Variants in AHNAK observed in about 807,000 individuals in gnomAD.
AHNAK encodes the protein AHNAK nucleoprotein.
Under a neutral mutation model 37.8 loss-of-function variants are expected in AHNAK, and 23 were observed. That is an observed-to-expected ratio of 0.61 (90% CI 0.44 to 0.86). The LOEUF is 0.86. Among genes scored for constraint, AHNAK ranks in the 40% least tolerant of loss-of-function variants. The pLI is 0.00. For synonymous variants in AHNAK, 2,481 were observed against 2,636.3 expected (o/e 0.94, Z 1.80); for missense variants, 7,411 against 7,319.4 (o/e 1.01, Z -0.46).
chr11:62,525,962 T>C lies in AHNAK; in HGVS notation c.8455A>G (p.Lys2819Glu). 6.2e-7 allele frequency: 1 copy of C among 1,614,112 alleles called. No individual in the cohort carries two copies. The highest frequency in any genetic ancestry group is 2.2e-5 in the East Asian group (1 of 44,888). Residue 2819 changes from lysine (K) to glutamate (E), a missense_variant, in exon 5 of 5, where the codon AAA becomes GAA. Physicochemically the swap from Lys to Glu is moderately conservative, Grantham distance 56. Transcript: ENST00000378024. ...VNIEGPEGKW[K>E]SPKFKMPEMH... ...TCTGGCATCTTAAACTTTGGACTTT[T>C]CCACTTTCCTTCAGGTCCTTCGATA...
intron 4 of AHNAK, among the ~76,000 whole-genome samples, chr11:62,499,455 G>A (rs913038497): frequency 6.6e-5 from 10 of 152,166 alleles, no homozygotes; most frequent in African/African-American, 9.7e-5. Context: ...GGAGACTGAG[G>A]CAAGAGAATC....
rs115627503 is a variant in AHNAK at position 62,530,596 on chromosome 11, A to G, written c.3821T>C (p.Val1274Ala). 0.014 allele frequency: 21,942 copies of G among 1,610,478 alleles called. 188 individuals carry two copies. The highest frequency in any genetic ancestry group is 0.019 in the Middle Eastern group (112 of 6,036). ...MPGFKGEGRE[V>A]DVNLPKADID... Reference sequence around the variant, plus strand: ...GTCAGCCTTGGGCAGGTTCACATCCACTTCTCGGCCCTCTCCTTTGAAGCC... The same window carrying G: ...GTCAGCCTTGGGCAGGTTCACATCCGCTTCTCGGCCCTCTCCTTTGAAGCC... Residue 1274 changes from valine (V) to alanine (A), a missense_variant, in exon 5 of 5, where the codon GTG becomes GCG. Val to Ala is a moderately conservative substitution (Grantham distance 64, BLOSUM62 0). Coordinates refer to ENST00000378024, the MANE Select transcript of AHNAK (RefSeq NM_001620.3).
chr11:62,467,002 G>C (rs558848840), intron 5 of AHNAK, among the ~76,000 whole-genome samples: 96 of 152,218 alleles, frequency 6.3e-4, no homozygotes, highest in African/African-American at 2.1e-3. Context: ...GTTATGCAAA[G>C]CCTAGATCAT....
chr11:62,480,753 A>G (rs1453447208), intron 5 of AHNAK, among the ~76,000 whole-genome samples: 2 of 144,720 alleles, frequency 1.4e-5, no homozygotes, highest in African/African-American at 5.2e-5. Flanking sequence ...GTCCCCAAAC[A>G]GGGCCTTCCT....
At chr11:62,460,590 A>G (rs1344437658) in intron 5 of AHNAK, among the ~76,000 whole-genome samples, 1 of 152,216 alleles carries the variant, frequency 6.6e-6, no homozygotes, top group Non-Finnish European at 1.5e-5. Flanking sequence ...ATTTTGTGAT[A>G]TCTTTACAAA....
rs138495745 is a variant in AHNAK, at chr11:62,520,684, C to T, written c.13733G>A (p.Gly4578Asp). The change falls in exon 5 of 5, where the codon GGC (glycine) becomes GAC (aspartate). Residue 4578 changes from glycine to aspartate, a missense_variant. Physicochemically the swap from Gly to Asp is moderately conservative, Grantham distance 94. Transcript: ENST00000378024. ...DIHGPEGKLK[G>D]PKFKMPDLHL... is the part of the protein sequence containing the mutation. The stretch of plus-strand genomic sequence containing the variant: ...TAAGTCAGGCATTTTAAATTTGGGG[C>T]CCTTCAGTTTCCCTTCTGGACCATG... The T allele has an allele frequency of 1.1e-4, 173 of 1,613,988 alleles. No individual in the cohort carries two copies. Among genetic ancestry groups the T allele is most frequent in the Non-Finnish European group, 1.3e-4 (159 of 1,180,050 alleles).
chr11:62,529,958 T>C lies in AHNAK; in HGVS notation c.4459A>G (p.Ile1487Val). 6 of 1,613,402 alleles carry C rather than the reference T, an allele frequency of 3.7e-6. No individual in the cohort carries two copies. Among genetic ancestry groups the C allele is most frequent in the Non-Finnish European group, 4.2e-6 (5 of 1,179,862 alleles). The change falls in exon 5 of 5, where the codon ATC becomes GTC. Residue 1487 changes from isoleucine to valine, a missense_variant. Ile to Val is a conservative substitution (Grantham distance 29). Transcript: ENST00000378024. ...EGEIKAPDVDIKGPKVDINAP... is the reference protein window; with the variant it reads ...EGEIKAPDVDVKGPKVDINAP... The stretch of plus-strand genomic sequence containing the variant: ...TTAATATCAACTTTGGGGCCTTTGA[T>C]GTCAACATCAGGAGCTTTTATCTCT...
At position 62,519,535 on chromosome 11, in the gene AHNAK, G is replaced by A. The variant is rs775183907; in HGVS notation, c.14882C>T (p.Pro4961Leu). ...APSLDVHMDS[P>L]DINIEGPDVK... ...ATCTGGCCCTTCGATGTTAATATCT[G>A]GGCTGTCCATGTGTACATCTAAGCT... Residue 4961 changes from proline to leucine, a missense_variant, in exon 5 of 5, where the codon CCA becomes CTA. Coordinates refer to ENST00000378024, the MANE Select transcript of AHNAK (RefSeq NM_001620.3). The A allele has an allele frequency of 1.2e-6, 2 of 1,612,830 alleles. No homozygotes were observed. Among genetic ancestry groups the A allele is most frequent in the Non-Finnish European group, 1.7e-6 (2 of 1,179,512 alleles).
chr11:62,535,264 G>GA, intron 3 of AHNAK, 74 bp from the exon 4 acceptor site: 1 of 1,372,864 alleles, frequency 7.3e-7, no homozygotes, highest in Non-Finnish European at 1.0e-6. Context: ...ACCACACACT[G>GA]GGCACTGAAC....
At chr11:62,510,679 G>T (rs1179489680) in intron 4 of AHNAK, among the ~76,000 whole-genome samples, 1 of 152,046 alleles carries the variant, frequency 6.6e-6, no homozygotes, top group East Asian at 1.9e-4. Flanking sequence ...AGGAGGTGGA[G>T]GTTGTGGTGA....
rs761736875 is a variant in AHNAK at position 62,519,752 on chromosome 11, G to A, written c.14665C>T (p.Arg4889Cys). ...KGPEVDLKGPRLDFEGPDAKL... is the reference protein window; with the variant it reads ...KGPEVDLKGPCLDFEGPDAKL... ...GCATCAGGGCCTTCGAAATCCAGAC[G>A]TGGACCTTTAAGATCTACTTCTGGG... is the stretch of plus-strand genomic sequence containing the variant. Residue 4889 changes from arginine to cysteine, a missense_variant, in exon 5 of 5, where the codon CGT (arginine) becomes TGT (cysteine). Physicochemically the swap from Arg to Cys is radical, Grantham distance 180 (BLOSUM62 -3). Transcript: ENST00000378024. 6.1e-5 allele frequency: 99 copies of A among 1,613,256 alleles called. 1 individual carries two copies. Among genetic ancestry groups the A allele is most frequent in the South Asian group, 2.9e-4 (26 of 90,984 alleles).
At chr11:62,486,582 G>A (rs951943316) in intron 5 of AHNAK, among the ~76,000 whole-genome samples, 18 of 152,078 alleles carry the variant, frequency 1.2e-4, no homozygotes, top group African/African-American at 4.3e-4. Context: ...TGGTTGCCGG[G>A]GGCTGGAGAA....
chr11:62,526,658 G>A lies in AHNAK; in HGVS notation c.7759C>T (p.His2587Tyr). ...CCCTTCACCTTGGGACCTTTCAGAT[G>A]CAAATCAAAGTCAGGCATGGAGATC... Reference protein sequence around the residue: ...PKISMPDFDLHLKGPKVKGDV... With the variant: ...PKISMPDFDLYLKGPKVKGDV... The change falls in exon 5 of 5, where the codon CAT becomes TAT. Residue 2587 changes from histidine to tyrosine, a missense_variant. Physicochemically the swap from His to Tyr is moderately conservative, Grantham distance 83. Coordinates refer to ENST00000378024, the MANE Select transcript of AHNAK (RefSeq NM_001620.3). The A allele has an allele frequency of 6.2e-7, 1 of 1,608,216 alleles. No individual in the cohort carries two copies.
In AHNAK at chr11:62,533,435, C is replaced by T. The variant is rs754950713; in HGVS notation, c.982G>A (p.Gly328Arg). The T allele has an allele frequency of 8.1e-6, 13 of 1,613,166 alleles. No homozygotes were observed. In the African/African-American group the frequency reaches 1.7e-4, roughly 22 times the overall value. ...ACTTCAGGTGCAGAAACCCTCAGCCCTGCCTTTGGTGTCTGGCCCTCACGC... is the reference window on the plus strand; with the variant it reads ...ACTTCAGGTGCAGAAACCCTCAGCCTTGCCTTTGGTGTCTGGCCCTCACGC... The part of the protein sequence containing the change: ...TGREGQTPKA[G>R]LRVSAPEVSV... Residue 328 changes from glycine to arginine, a missense_variant, in exon 5 of 5, where the codon GGG becomes AGG. Physicochemically the swap from Gly to Arg is moderately radical, Grantham distance 125. Coordinates refer to ENST00000378024, the MANE Select transcript of AHNAK (RefSeq NM_001620.3).
intron 1 of AHNAK, among the ~76,000 whole-genome samples, chr11:62,540,488 C>T (rs1022086903): frequency 4.6e-5 from 7 of 151,990 alleles, no homozygotes. Context: ...CCCGGTGGTC[C>T]ACCCAACAGC....
chr11:62,529,138 G>A lies in AHNAK; in HGVS notation c.5279C>T (p.Pro1760Leu), dbSNP rs1940627338. The change falls in exon 5 of 5, where the codon CCA becomes CTA. Residue 1760 changes from proline to leucine, a missense_variant. By Grantham distance (98) the Pro-to-Leu change is moderately conservative. Transcript: ENST00000378024. ...TDAPDLDIEGPEGKLKGSKFK... is the reference protein window; with the variant it reads ...TDAPDLDIEGLEGKLKGSKFK... ...TTTGGAGCCTTTCAACTTTCCTTCT[G>A]GTCCCTCAATATCCAAATCAGGAGC... 1 of 1,614,032 alleles carries A rather than the reference G, an allele frequency of 6.2e-7. No homozygotes were observed. Among genetic ancestry groups the A allele is most frequent in the Admixed American group, 1.7e-5 (1 of 60,000 alleles).
At chr11:62,445,546 G>A (rs1290916883) in intron 5 of AHNAK, among the ~76,000 whole-genome samples, 1 of 152,168 alleles carries the variant, frequency 6.6e-6, no homozygotes, top group Non-Finnish European at 1.5e-5. Flanking sequence ...GAGAACAGGG[G>A]TAATGGTGAA....
In AHNAK at chr11:62,523,876, C is replaced by A; in HGVS notation, c.10541G>T (p.Gly3514Val). 2 of 1,613,988 alleles carry A rather than the reference C, an allele frequency of 1.2e-6. No individual in the cohort carries two copies. The highest frequency in any genetic ancestry group is 1.7e-6 in the Non-Finnish European group (2 of 1,179,992). Residue 3514 changes from glycine (G) to valine (V), a missense_variant, in exon 5 of 5, where the codon GGC becomes GTC. Gly to Val is a moderately radical substitution (Grantham distance 109). Transcript: ENST00000378024. ...CGGACCTTCCACATTGAGATCTGGG[C>A]CCTCAATGTTCATACTTGGGCCCTC... ...NIEGPSMNIE[G>V]PDLNVEGPEG...
chr11:62,531,526 T>C lies in AHNAK; in HGVS notation c.2891A>G (p.Tyr964Cys), dbSNP rs759173201. 23 of 1,614,198 alleles carry C rather than the reference T, an allele frequency of 1.4e-5. No individual in the cohort carries two copies. In the South Asian group the frequency reaches 2.4e-4, roughly 17 times the overall value. Residue 964 changes from tyrosine to cysteine, a missense_variant, in exon 5 of 5, where the codon TAT becomes TGT. Coordinates refer to ENST00000378024, the MANE Select transcript of AHNAK (RefSeq NM_001620.3). ...HMKGPKVKGE[Y>C]DMTVPKLEGD... ...TTCCAGCTTTGGCACTGTCATATCA[T>C]ATTCTCCCTTTACTTTAGGACCTTT...
Sources: allele counts gnomAD v4.1 joint callset (sites outside exome capture counted in the v4.1 genomes callset), GRCh38; gene constraint gnomAD v4.1.1; transcripts MANE v1.5; gene names NCBI Gene and HGNC (gene_info 2026-07-23, HGNC 2026-07-21).